The following MAP7D1 variants were observed in gnomAD, a reference collection of about 807,000 sequenced individuals.
MAP7D1 encodes MAP7 domain containing 1.
Under a neutral mutation model 97.5 loss-of-function variants are expected in MAP7D1, and 30 were observed. The observed-to-expected ratio is 0.31, with a 90% CI of 0.23 to 0.42. The LOEUF is 0.42. Ranked by LOEUF, MAP7D1 falls within the 10% of genes least tolerant of loss-of-function variation. The pLI, the probability that MAP7D1 is intolerant of heterozygous loss-of-function variation, is 1.00. For missense variants in MAP7D1, 1,184 were observed against 1,179.5 expected (o/e 1.00, Z -0.06); for synonymous variants, 536 against 477.1 (o/e 1.12, Z -1.61).
rs987673385 is a variant in MAP7D1 at position 36,159,202 on chromosome 1, C to T, written c.46+2739C>T. 6.6e-6 allele frequency among the ~76,000 whole-genome samples: 1 copy of T among 152,048 alleles called. No homozygotes were observed. Among genetic ancestry groups the T allele is most frequent in the Non-Finnish European group, 1.5e-5 (1 of 67,994 alleles). On this transcript the variant is annotated intron_variant, in intron 1 of 16. Coordinates refer to ENST00000474796, the MANE Select transcript of MAP7D1 (RefSeq NM_001388490.1). This position sits in a 1 kb window ranked among gnomAD's most constrained non-coding sequence, Gnocchi z 5.4. ...CCTCCCGAGTAGCTGGGATTACAGGCGCCTGCCACCGCGCCCGGCTAATTT... is the reference window on the plus strand; with the variant it reads ...CCTCCCGAGTAGCTGGGATTACAGGTGCCTGCCACCGCGCCCGGCTAATTT...
In MAP7D1 at chr1:36,171,534, G is replaced by A. The variant is rs1376067296; in HGVS notation, c.413G>A (p.Arg138Lys). 1.2e-6 allele frequency: 2 copies of A among 1,614,196 alleles called. No individual in the cohort carries two copies. The highest frequency in any genetic ancestry group is 2.2e-5 in the South Asian group (2 of 91,072). Residue 138 changes from arginine to lysine, a missense_variant, in exon 3 of 17, where the codon AGA becomes AAA. Coordinates refer to ENST00000474796, the MANE Select transcript of MAP7D1 (RefSeq NM_001388490.1). ...TCAGAGGTGAAGAAGGCAGGAGAGAGACACAAGCTGGCAAAGGAGCGGCGA... is the reference window on the plus strand; with the variant it reads ...TCAGAGGTGAAGAAGGCAGGAGAGAAACACAAGCTGGCAAAGGAGCGGCGA... Reference protein sequence around the residue: ...TKQEVKKAGERHKLAKERREE... With the variant: ...TKQEVKKAGEKHKLAKERREE...
chr1:36,161,863 ATGTGTGTGTGTGTATGTGTGTGTGTG>A (rs1200900094), intron 1 of MAP7D1, among the ~76,000 whole-genome samples: 1 of 137,846 alleles, frequency 7.3e-6, no homozygotes, highest in Non-Finnish European at 1.6e-5. Flanking sequence ...TTTCCTCTGC[ATGTGTGTGTGTGTATGTGTGTGTGTG>A]TGTGTGTGTG....
chr1:36,172,376 A>G (rs958616715), intron 3 of MAP7D1, 88 bp from the exon 4 acceptor site: 2 of 1,306,508 alleles, frequency 1.5e-6, no homozygotes, highest in Non-Finnish European at 2.0e-6. Flanking sequence ...GGGCATGGGT[A>G]GCAGGGCTGG....
rs773212376 is a variant in MAP7D1, at chr1:36,180,030, C to T, written c.2475C>T (p.Phe825=). 203 of 1,614,130 alleles carry T rather than the reference C, an allele frequency of 1.3e-4. No individual in the cohort carries two copies. Among genetic ancestry groups the T allele is most frequent in the Non-Finnish European group, 1.7e-4 (199 of 1,180,002 alleles). ...TGCCCTTTGCAGAGGCAGAAGCCTT[C>T]CTCAAGAAAGCTGTGGTGCAGTCCC... The part of the protein sequence containing the change: ...TLLPFAEAEA[F]LKKAVVQSPQ... The change falls in exon 16 of 17, where the codon TTC becomes TTT. Residue 825 remains phenylalanine (F), a synonymous_variant. Coordinates refer to ENST00000474796, the MANE Select transcript of MAP7D1 (RefSeq NM_001388490.1).
In MAP7D1 at chr1:36,177,921, G is replaced by C; in HGVS notation, c.1428G>C (p.Arg476Ser). 1 of 1,565,540 alleles carries C rather than the reference G, an allele frequency of 6.4e-7. No individual in the cohort carries two copies. The highest frequency in any genetic ancestry group is 1.2e-5 in the South Asian group (1 of 83,926). Reference protein sequence around the residue: ...RPSSPSTSWHRPASPCPSPGP... With the variant: ...RPSSPSTSWHSPASPCPSPGP... ...CCTCTCCCTCCACATCCTGGCACAG[G>C]CCTGCCTCCCCCTGCCCCAGCCCAG... is the stretch of plus-strand genomic sequence containing the variant. Residue 476 changes from arginine (R) to serine (S), a missense_variant, in exon 9 of 17, where the codon AGG (arginine) becomes AGC (serine). Coordinates refer to ENST00000474796, the MANE Select transcript of MAP7D1 (RefSeq NM_001388490.1).
rs1201677968 is a variant in MAP7D1 at position 36,176,282 on chromosome 1, C to T, written c.934C>T (p.Arg312Cys). 3.1e-6 allele frequency: 5 copies of T among 1,599,600 alleles called. No homozygotes were observed. The highest frequency in any genetic ancestry group is 4.3e-6 in the Non-Finnish European group (5 of 1,175,252). ...CACTCTCTCCTTCCTTGCTCGGAGT[C>T]GCAGCGCGGTCACACTGCCCCGCAA... is the stretch of plus-strand genomic sequence containing the variant. The part of the protein sequence containing the change: ...TPTLSFLARS[R>C]SAVTLPRNGR... The change falls in exon 7 of 17, where the codon CGC (arginine) becomes TGC (cysteine). Residue 312 changes from arginine to cysteine, a missense_variant. Coordinates refer to ENST00000474796, the MANE Select transcript of MAP7D1 (RefSeq NM_001388490.1). This position sits in a 1 kb window ranked among gnomAD's most constrained non-coding sequence, Gnocchi z 6.1.
chr1:36,172,620 A>G lies in MAP7D1; in HGVS notation c.617A>G (p.Lys206Arg), dbSNP rs1322416371. 1.9e-6 allele frequency: 3 copies of G among 1,568,980 alleles called. No individual in the cohort carries two copies. Among genetic ancestry groups the G allele is most frequent in the South Asian group, 1.1e-5 (1 of 88,926 alleles). The part of the protein sequence containing the change: ...LEERQRQKLE[K>R]NKERYEAAIQ... Reference sequence around the variant, plus strand: ...GAACGGCAGCGGCAGAAGCTCGAGAAAAACAAGGTGCGGGATGGGTCTCCG... The same window carrying G: ...GAACGGCAGCGGCAGAAGCTCGAGAGAAACAAGGTGCGGGATGGGTCTCCG... The change falls in exon 4 of 17, where the codon AAA becomes AGA. Residue 206 changes from lysine (K) to arginine (R), a missense_variant. Lys to Arg is a conservative substitution (Grantham distance 26). Coordinates refer to ENST00000474796, the MANE Select transcript of MAP7D1 (RefSeq NM_001388490.1).
In MAP7D1 at chr1:36,164,792, CAG is replaced by C. The variant is rs148423254; in HGVS notation, c.47-6174_47-6173del. On this transcript the variant is annotated intron_variant, in intron 1 of 16. Transcript: ENST00000474796. Reference sequence around the variant, plus strand: ...CATTTGCTCTGGCTGCTCAGTGGAGCAGAGAGTGGGAATGGGTACAGGCGAGC... The same window carrying C: ...CATTTGCTCTGGCTGCTCAGTGGAGCAGAGTGGGAATGGGTACAGGCGAGC... Among the ~76,000 whole-genome samples the C allele has an allele frequency of 5.1e-3, 780 of 152,292 alleles. 6 individuals carry two copies. Among genetic ancestry groups the C allele is most frequent in the African/African-American group, 0.018 (744 of 41,544 alleles).
rs375468721 is a variant in MAP7D1, at chr1:36,178,709, A to G, written c.1911A>G (p.Ala637=). The part of the protein sequence containing the change: ...RDKRMREEQL[A]REAEARAERE... ...GGCGAATGCGAGAGGAGCAGCTGGC[A>G]CGGGAGGCCGAGGCCCGGGCGGAGC... Residue 637 remains alanine, a synonymous_variant, in exon 11 of 17, where the codon GCA becomes GCG. Transcript: ENST00000474796. 79 of 1,534,736 alleles carry G rather than the reference A, an allele frequency of 5.1e-5. No individual in the cohort carries two copies. The highest frequency in any genetic ancestry group is 6.7e-5 in the Non-Finnish European group (77 of 1,141,352).
intron 1 of MAP7D1, among the ~76,000 whole-genome samples, chr1:36,158,707 T>G (rs1265399009): frequency 6.6e-6 from 1 of 152,198 alleles, no homozygotes; most frequent in Non-Finnish European, 1.5e-5. Context: ...CAATAAAGTG[T>G]TATTACCATT....
Position 36,176,800 on chromosome 1 carries a change from C to T in MAP7D1, c.1337C>T (p.Ser446Phe), listed in dbSNP as rs1644633042. Residue 446 changes from serine to phenylalanine, a missense_variant, in exon 8 of 17, where the codon TCC (serine) becomes TTC (phenylalanine). Ser to Phe is a radical substitution (Grantham distance 155, BLOSUM62 -2). Coordinates refer to ENST00000474796, the MANE Select transcript of MAP7D1 (RefSeq NM_001388490.1). This position sits in a 1 kb window ranked among gnomAD's most constrained non-coding sequence, Gnocchi z 6.1. ...AAGAAGCGCCAGTCGCTGCCCGCCT[C>T]CCCACGTGCCCGCCTCTCTGCCAGC... is the stretch of plus-strand genomic sequence containing the variant. ...SLKKRQSLPASPRARLSASTA... is the reference protein window; with the variant it reads ...SLKKRQSLPAFPRARLSASTA... The T allele has an allele frequency of 6.3e-7, 1 of 1,595,094 alleles. No individual in the cohort carries two copies. Among genetic ancestry groups the T allele is most frequent in the Non-Finnish European group, 8.5e-7 (1 of 1,172,078 alleles).
chr1:36,172,177 G>A (rs1468829345), intron 3 of MAP7D1: 7 of 270,746 alleles, frequency 2.6e-5, no homozygotes, highest in Non-Finnish European at 4.9e-5. Context: ...CATCTGTCTG[G>A]TAGGCCCCCC....
At position 36,179,496 on chromosome 1, in the gene MAP7D1, C is replaced by G. The variant is rs1190516267; in HGVS notation, c.2185-19C>G. 1 of 1,579,652 alleles carries G rather than the reference C, an allele frequency of 6.3e-7. No individual in the cohort carries two copies. The highest frequency in any genetic ancestry group is 8.6e-7 in the Non-Finnish European group (1 of 1,162,170). On this transcript the variant is annotated intron_variant, in intron 13 of 16. Transcript: ENST00000474796. ...GCCGGCTGTCCCTTGAGCCTGACTG[C>G]TCTTCCTCTTCAAAGCAGAAGCAGG...
At chr1:36,168,037 C>T (rs976114101) in intron 1 of MAP7D1, among the ~76,000 whole-genome samples, 14 of 152,242 alleles carry the variant, frequency 9.2e-5, no homozygotes, top group African/African-American at 2.7e-4. Context: ...TGGCTCACGC[C>T]TGTAATCCCA....
In MAP7D1 at chr1:36,179,936, A is replaced by C. The variant is rs781029976; in HGVS notation, c.2381A>C (p.Gln794Pro). ...GGCCTGCAGCCTCTCCCAGCACACC[A>C]GGAGAATGGCTTCTCCACCAACGGA... is the stretch of plus-strand genomic sequence containing the variant. ...VNGLQPLPAH[Q>P]ENGFSTNGPS... Residue 794 changes from glutamine to proline, a missense_variant, in exon 16 of 17, where the codon CAG becomes CCG. By Grantham distance (76) the Gln-to-Pro change is moderately conservative. Transcript: ENST00000474796. 1.9e-6 allele frequency: 3 copies of C among 1,614,048 alleles called. No homozygotes were observed. In the African/African-American group the frequency reaches 4.0e-5, roughly 22 times the overall value.
intron 1 of MAP7D1, among the ~76,000 whole-genome samples, chr1:36,158,991 T>C (rs573990801): frequency 1.2e-4 from 18 of 152,358 alleles, no homozygotes; most frequent in African/African-American, 4.3e-4. Flanking sequence ...ACACTTAGAC[T>C]AGGCCCTGGC....
At position 36,176,115 on chromosome 1, in the gene MAP7D1, G is replaced by C; in HGVS notation, c.851-84G>C. The C allele has an allele frequency of 6.7e-7, 1 of 1,490,682 alleles. No homozygotes were observed. Among genetic ancestry groups the C allele is most frequent in the Non-Finnish European group, 9.0e-7 (1 of 1,106,058 alleles). The allele number at this position is 1,490,682 out of a possible 1,614,324, so 92.3% of individuals were successfully genotyped here. ...TGAGAAGCCTTGGCCTTGGCATGGG[G>C]ATGGTGCCTGGTCTGCTCCCTTGCC... On this transcript the variant is annotated intron_variant, in intron 6 of 16. Transcript: ENST00000474796. This position sits in a 1 kb window ranked among gnomAD's most constrained non-coding sequence, Gnocchi z 6.1.
In MAP7D1 at chr1:36,179,756, G is replaced by C. The variant is rs1262863711; in HGVS notation, c.2318G>C (p.Ser773Thr). ...CCCATCCCACAGGAGCCTCAGTGGA[G>C]GTACCAGCTTCCAATCCCAGGGTCC... Reference protein sequence around the residue: ...EEPIPQEPQWSLPSKELPASL... With the variant: ...EEPIPQEPQWTLPSKELPASL... The change falls in exon 15 of 17, where the codon AGT (serine) becomes ACT (threonine). Residue 773 changes from serine (S) to threonine (T), a missense_variant and splice_region_variant. Physicochemically the swap from Ser to Thr is moderately conservative, Grantham distance 58 (BLOSUM62 1). Coordinates refer to ENST00000474796, the MANE Select transcript of MAP7D1 (RefSeq NM_001388490.1). 1 of 1,531,338 alleles carries C rather than the reference G, an allele frequency of 6.5e-7. No homozygotes were observed. Among genetic ancestry groups the C allele is most frequent in the Non-Finnish European group, 8.8e-7 (1 of 1,141,736 alleles). The allele number at this position is 1,531,338 out of a possible 1,614,324, so 94.9% of individuals were successfully genotyped here.
chr1:36,168,758 A>G (rs1644503889), intron 1 of MAP7D1, among the ~76,000 whole-genome samples: 1 of 152,198 alleles, frequency 6.6e-6, no homozygotes, highest in Non-Finnish European at 1.5e-5. Flanking sequence ...CTATTCCCTC[A>G]TATTGCCTTC....
Sources: gnomAD v4.1 joint callset for allele counts (sites outside exome capture counted in the v4.1 genomes callset) on GRCh38, gnomAD v4.1.1 for gene constraint, Gnocchi (gnomAD v3.1) non-coding constraint, MANE v1.5 for transcripts, NCBI Gene and HGNC (gene_info 2026-07-23, HGNC 2026-07-21) for gene names.